Variants in EHBP1 observed in about 807,000 individuals in gnomAD.
The protein encoded by EHBP1 is EH domain binding protein 1, also known as EH domain-binding protein 1.
A neutral mutation model predicts 144.0 loss-of-function variants in EHBP1; 55 were observed. The ratio of observed to expected loss-of-function variants is 0.38; its 90% CI spans 0.31 to 0.48. The LOEUF (loss-of-function observed/expected upper bound fraction) is 0.48, where lower values mean the gene tolerates loss of function less well. Ranked by LOEUF, EHBP1 falls within the 20% of genes least tolerant of loss-of-function variation. The pLI is 0.98. For missense variants in EHBP1, 1,200 were observed against 1,364.2 expected, an observed-to-expected ratio of 0.88 and a Z score of 1.90; for synonymous variants, 469 against 472.7, an observed-to-expected ratio of 0.99 and a Z score of 0.10.
At chr2:62,802,558 A>G (rs2044081897) in intron 5 of EHBP1, among the ~76,000 whole-genome samples, 1 of 152,164 alleles carries the variant, frequency 6.6e-6, no homozygotes, top group African/African-American at 2.4e-5. Context: ...ATATGAATAG[A>G]TGATTATTAT....
chr2:62,921,311 T>C (rs1286282388), intron 10 of EHBP1, among the ~76,000 whole-genome samples: 2 of 151,966 alleles, frequency 1.3e-5, no homozygotes, highest in East Asian at 3.9e-4. Context: ...TCAGGCATGG[T>C]GCATGTGCCT....
chr2:62,874,876 C>T (rs1162163900), intron 10 of EHBP1, among the ~76,000 whole-genome samples: 3 of 152,124 alleles, frequency 2.0e-5, no homozygotes, highest in East Asian at 1.9e-4. Context: ...ACCCACCCAC[C>T]GCCTCCCCAC....
At chr2:62,847,012 G>A (rs2048342224) in intron 7 of EHBP1, among the ~76,000 whole-genome samples, 1 of 152,108 alleles carries the variant, frequency 6.6e-6, no homozygotes, top group Non-Finnish European at 1.5e-5. Flanking sequence ...GGGATGCAAA[G>A]TAACCAAAAG....
chr2:62,740,135 C>T lies in EHBP1; in HGVS notation c.105-7260C>T, dbSNP rs529860108. Among the ~76,000 whole-genome samples, 11 of 152,098 alleles carry T rather than the reference C, an allele frequency of 7.2e-5. No individual in the cohort carries two copies. In the South Asian group the frequency reaches 1.2e-3, roughly 17 times the overall value. ...ATTAGAAATACCTGTCAGAACAGTTCATTTGCATTATCAGTTATTTTTAAC... is the reference window on the plus strand; with the variant it reads ...ATTAGAAATACCTGTCAGAACAGTTTATTTGCATTATCAGTTATTTTTAAC... On this transcript the variant is annotated intron_variant, in intron 2 of 22. Coordinates refer to ENST00000431489, the MANE Select transcript of EHBP1 (RefSeq NM_001142616.3).
At chr2:62,716,922 GTTCAT>G (rs1309501964) in intron 2 of EHBP1, among the ~76,000 whole-genome samples, 1 of 152,158 alleles carries the variant, frequency 6.6e-6, no homozygotes. Context: ...CGTGATGACT[GTTCAT>G]TTCTTTTTTC....
In EHBP1 at chr2:62,869,037, G is replaced by A. The variant is rs554830056; in HGVS notation, c.998+4066G>A. 4.6e-5 allele frequency among the ~76,000 whole-genome samples: 7 copies of A among 152,214 alleles called. No homozygotes were observed. In the Middle Eastern group the frequency reaches 0.014, roughly 296 times the overall value. ...TTTCACAAATGAAAATATTGTATAG[G>A]AATGGAGAGATGCTCAGCTTCATTA... On this transcript the variant is annotated intron_variant, in intron 9 of 22. Coordinates refer to ENST00000431489, the MANE Select transcript of EHBP1 (RefSeq NM_001142616.3).
intron 1 of EHBP1, among the ~76,000 whole-genome samples, chr2:62,688,299 G>T (rs1028075789): frequency 6.6e-6 from 1 of 152,122 alleles, no homozygotes; most frequent in Admixed American, 6.6e-5. Context: ...GAGGGAATCA[G>T]TATTTACTGA....
intron 7 of EHBP1, among the ~76,000 whole-genome samples, chr2:62,843,461 G>A (rs940547777): frequency 1.3e-5 from 2 of 152,084 alleles, no homozygotes; most frequent in African/African-American, 4.8e-5. Context: ...AGAAGGGGTG[G>A]GTGGGGCAGT....
intron 5 of EHBP1, among the ~76,000 whole-genome samples, chr2:62,812,686 T>C (rs1435809059): frequency 6.6e-6 from 1 of 152,080 alleles, no homozygotes; most frequent in Non-Finnish European, 1.5e-5. Context: ...TCCAAGGGCT[T>C]TATGGAAGGT....
chr2:62,991,478 T>C (rs926457245), intron 16 of EHBP1, among the ~76,000 whole-genome samples: 12 of 152,126 alleles, frequency 7.9e-5, no homozygotes, highest in African/African-American at 2.4e-4. Context: ...TCAATAATCC[T>C]CAAGCTTCTG....
intron 1 of EHBP1, among the ~76,000 whole-genome samples, chr2:62,692,496 C>G (rs1352686927): frequency 6.6e-6 from 1 of 152,180 alleles, no homozygotes; most frequent in Non-Finnish European, 1.5e-5. Context: ...ATCTTGCCAG[C>G]AAGGTATGAG....
intron 10 of EHBP1, among the ~76,000 whole-genome samples, chr2:62,896,724 C>G (rs1298300149): frequency 1.3e-5 from 2 of 151,630 alleles, no homozygotes; most frequent in African/African-American, 4.8e-5. Context: ...TCCAGGAATC[C>G]CTTCATCTAC....
At chr2:63,037,767 AAT>A (rs1200015562) in intron 20 of EHBP1, 133 bp downstream of exon 20, 33 of 534,522 alleles carry the variant, frequency 6.2e-5, no homozygotes, top group Non-Finnish European at 9.6e-5. Flanking sequence ...TTTATAAAAA[AAT>A]AAAAAATAGT....
intron 2 of EHBP1, among the ~76,000 whole-genome samples, chr2:62,732,251 A>G (rs192680701): frequency 4.6e-5 from 7 of 152,218 alleles, no homozygotes; most frequent in African/African-American, 9.6e-5. Context: ...TGAGTTTCCT[A>G]GATCTGTGGT....
rs976077975 is a variant in EHBP1 at position 62,867,639 on chromosome 2, C to G, written c.998+2668C>G. ...TTCAAAGATATAAGTTATTTTCAGTCAATTTATAAATTCAGTGCCATCCCA... is the reference window on the plus strand; with the variant it reads ...TTCAAAGATATAAGTTATTTTCAGTGAATTTATAAATTCAGTGCCATCCCA... On this transcript the variant is annotated intron_variant, in intron 9 of 22. Transcript: ENST00000431489. Among the ~76,000 whole-genome samples, 7 of 152,152 alleles carry G rather than the reference C, an allele frequency of 4.6e-5. No individual in the cohort carries two copies. The East Asian group carries it at 1.3e-3, about 29-fold the overall frequency.
intron 19 of EHBP1, among the ~76,000 whole-genome samples, chr2:63,031,695 G>A (rs751551250): frequency 1.3e-5 from 2 of 152,128 alleles, no homozygotes; most frequent in Non-Finnish European, 2.9e-5. Flanking sequence ...TTGGAAGGCC[G>A]AGGTGGGCAA....
At chr2:63,041,326 G>GT (rs886596736) in intron 21 of EHBP1, among the ~76,000 whole-genome samples, 2 of 151,822 alleles carry the variant, frequency 1.3e-5, no homozygotes, top group African/African-American at 2.4e-5. Context: ...TTTTCCTATA[G>GT]TTTTTTTTGT....
chr2:62,752,768 G>C (rs1441805405), intron 3 of EHBP1, among the ~76,000 whole-genome samples: 1 of 143,928 alleles, frequency 6.9e-6, no homozygotes, highest in African/African-American at 2.4e-5. Context: ...TTTGTTTAAA[G>C]TGTGTTTTAT....
intron 19 of EHBP1, among the ~76,000 whole-genome samples, chr2:63,013,032 A>G (rs2060334912): frequency 6.6e-6 from 1 of 152,212 alleles, no homozygotes; most frequent in Non-Finnish European, 1.5e-5. Context: ...GAGTAGGGTA[A>G]TAACTTATTT....
Sources: allele counts gnomAD v4.1 joint callset (sites outside exome capture counted in the v4.1 genomes callset), GRCh38; gene constraint gnomAD v4.1.1; transcripts MANE v1.5; gene names NCBI Gene and HGNC (gene_info 2026-07-23, HGNC 2026-07-21).